Variants in PRKCE observed in about 807,000 individuals in gnomAD.
The protein encoded by PRKCE is protein kinase C epsilon type.
PRKCE carries 16 observed loss-of-function variants against 85.4 expected under a neutral mutation model. The observed-to-expected ratio is 0.19, with a 90% CI of 0.13 to 0.28. PRKCE has a LOEUF of 0.28. Among genes scored for constraint, PRKCE ranks in the 10% least tolerant of loss-of-function variants. The pLI is 1.00. For synonymous variants in PRKCE, 388 were observed against 371.5 expected (o/e 1.04, Z -0.51); for missense variants, 573 against 975.2 (o/e 0.59, Z 5.49).
At chr2:45,920,657 TC>T (rs1239266617) in intron 2 of PRKCE, among the ~76,000 whole-genome samples, 2 of 152,116 alleles carry the variant, frequency 1.3e-5, no homozygotes, top group Non-Finnish European at 2.9e-5. Flanking sequence ...ATGATTGCAC[TC>T]ATATGAAATG....
At chr2:45,696,473 G>A (rs1406475008) in intron 1 of PRKCE, among the ~76,000 whole-genome samples, 2 of 152,032 alleles carry the variant, frequency 1.3e-5, no homozygotes, top group Non-Finnish European at 2.9e-5. Context: ...TGCTCACTTC[G>A]AGTTTCCCTT....
At chr2:46,010,904 G>A in intron 10 of PRKCE, 1 of 1,473,202 alleles carries the variant, frequency 6.8e-7, no homozygotes, top group East Asian at 2.5e-5. Context: ...AAGAGTAAAG[G>A]CCACCTTAAT....
At chr2:46,177,697 G>GGT (rs1395546855) in intron 14 of PRKCE, among the ~76,000 whole-genome samples, 2 of 152,148 alleles carry the variant, frequency 1.3e-5, no homozygotes, top group Non-Finnish European at 2.9e-5. Flanking sequence ...CACATCCTGT[G>GGT]GTACTGGGGG....
At chr2:46,091,817 T>C (rs566158960) in intron 11 of PRKCE, among the ~76,000 whole-genome samples, 1 of 152,350 alleles carries the variant, frequency 6.6e-6, no homozygotes, top group African/African-American at 2.4e-5. Context: ...AGAGATTTCT[T>C]ATCCATCCCG....
At position 45,660,630 on chromosome 2, in the gene PRKCE, G is replaced by A. The variant is rs1572875591; in HGVS notation, c.348+8182G>A. ...AGCTATTGAAGCATGTTCAGACAAA[G>A]CTTCCAGGGGTTTCACTTAGGCTAA... is the stretch of plus-strand genomic sequence containing the variant. On this transcript the variant is annotated intron_variant, in intron 1 of 14. Transcript: ENST00000306156. Among the ~76,000 whole-genome samples the A allele has an allele frequency of 2.0e-5, 3 of 152,346 alleles. No homozygotes were observed. The East Asian group carries it at 5.8e-4, about 29-fold the overall frequency.
At chr2:45,856,005 C>T (rs1291996849) in intron 2 of PRKCE, among the ~76,000 whole-genome samples, 2 of 151,996 alleles carry the variant, frequency 1.3e-5, no homozygotes, top group Non-Finnish European at 2.9e-5. Flanking sequence ...TCCCTTCCCT[C>T]AACAAACAAA....
rs1338707904 is a variant in PRKCE, at chr2:46,139,849, C to A, written c.1593-5244C>A. Among the ~76,000 whole-genome samples the A allele has an allele frequency of 2.0e-5, 3 of 152,050 alleles. No individual in the cohort carries two copies. The highest frequency in any genetic ancestry group is 7.2e-5 in the African/African-American group (3 of 41,390). On this transcript the variant is annotated intron_variant, in intron 11 of 14. Coordinates refer to ENST00000306156, the MANE Select transcript of PRKCE (RefSeq NM_005400.3). This position sits in a 1 kb window ranked among gnomAD's most constrained non-coding sequence, Gnocchi z 5.2. The stretch of plus-strand genomic sequence containing the variant: ...CCTAGAACCTAGTCACATAACTACA[C>A]CCTGCTCCAAGGGCAGCTTTTAATT...
At chr2:45,982,254 C>A (rs1702951362) in intron 5 of PRKCE, among the ~76,000 whole-genome samples, 1 of 146,260 alleles carries the variant, frequency 6.8e-6, no homozygotes, top group South Asian at 2.2e-4. Context: ...CTGCTGGGGA[C>A]CAAACTTTGA....
intron 1 of PRKCE, among the ~76,000 whole-genome samples, chr2:45,736,640 G>C (rs1036418171): frequency 6.6e-6 from 1 of 152,208 alleles, no homozygotes; most frequent in African/African-American, 2.4e-5. Flanking sequence ...ACCATGTGTT[G>C]TGGTTCGCAG....
chr2:45,911,279 C>G (rs893598414), intron 2 of PRKCE, among the ~76,000 whole-genome samples: 10 of 152,210 alleles, frequency 6.6e-5, no homozygotes, highest in African/African-American at 2.4e-4. Flanking sequence ...CCCACTGTTG[C>G]ACAACCTTCC....
chr2:45,921,701 T>C (rs976664102), intron 2 of PRKCE, among the ~76,000 whole-genome samples: 6 of 152,294 alleles, frequency 3.9e-5, no homozygotes, highest in East Asian at 1.9e-4. Context: ...GAGTTTTCCA[T>C]GTGCCATTAT....
intron 6 of PRKCE, among the ~76,000 whole-genome samples, chr2:45,997,435 T>G (rs1384653431): frequency 1.2e-4 from 19 of 152,106 alleles, no homozygotes; most frequent in African/African-American, 2.4e-5. Flanking sequence ...TTTTAGAATG[T>G]TTTTCCTAAT....
intron 5 of PRKCE, among the ~76,000 whole-genome samples, chr2:45,981,712 G>A (rs908383357): frequency 6.4e-4 from 98 of 152,206 alleles, no homozygotes; most frequent in Non-Finnish European, 1.5e-4. Flanking sequence ...CTTGCTGTCT[G>A]CCTTATTTCC....
At chr2:45,721,878 TA>T (rs747265509) in intron 1 of PRKCE, among the ~76,000 whole-genome samples, 5,932 of 136,092 alleles carry the variant, frequency 0.044, 286 homozygotes, top group African/African-American at 0.13. Flanking sequence ...CCCTGACTCT[TA>T]AAAAAAAAAA....
intron 11 of PRKCE, among the ~76,000 whole-genome samples, chr2:46,120,479 A>G (rs1673200688): frequency 6.6e-6 from 1 of 152,172 alleles, no homozygotes. Context: ...TCTAGATGCA[A>G]AGTTCTCTGC....
chr2:45,834,978 G>T (rs1159623905), intron 1 of PRKCE, among the ~76,000 whole-genome samples: 2 of 152,166 alleles, frequency 1.3e-5, no homozygotes, highest in Non-Finnish European at 2.9e-5. Flanking sequence ...TGTTTATCTT[G>T]CTATTATTGT....
At chr2:45,952,433 C>T (rs1425020279) in intron 2 of PRKCE, among the ~76,000 whole-genome samples, 1 of 152,172 alleles carries the variant, frequency 6.6e-6, no homozygotes, top group African/African-American at 2.4e-5. Context: ...AATAAAACAC[C>T]CCTCCTTTTG....
Position 46,145,083 on chromosome 2 carries a change from T to C in PRKCE, c.1593-10T>C. 1 of 1,599,750 alleles carries C rather than the reference T, an allele frequency of 6.3e-7. No homozygotes were observed. Among genetic ancestry groups the C allele is most frequent in the Non-Finnish European group, 8.5e-7 (1 of 1,179,938 alleles). On this transcript the variant is annotated splice_polypyrimidine_tract_variant and intron_variant, in intron 11 of 14. Transcript: ENST00000306156. The surrounding 1 kb of genome is among the most constrained non-coding windows in gnomAD (Gnocchi z 4.6). ...ACGTATTGACATTATGGTCCTGGCCTATCTTGCAGGGATTTGAAACTGGAC... is the reference window on the plus strand; with the variant it reads ...ACGTATTGACATTATGGTCCTGGCCCATCTTGCAGGGATTTGAAACTGGAC...
intron 2 of PRKCE, among the ~76,000 whole-genome samples, chr2:45,959,152 C>G (rs1293293954): frequency 1.3e-5 from 2 of 152,090 alleles, no homozygotes; most frequent in East Asian, 3.9e-4. Context: ...CGTGCTTCCT[C>G]AGGGCAAGAG....
Sources: gnomAD v4.1 joint callset for allele counts (sites outside exome capture counted in the v4.1 genomes callset) on GRCh38, gnomAD v4.1.1 for gene constraint, Gnocchi (gnomAD v3.1) non-coding constraint, MANE v1.5 for transcripts, NCBI Gene and HGNC (gene_info 2026-07-23, HGNC 2026-07-21) for gene names.